The following RPA3 variants were observed in gnomAD, a reference collection of about 807,000 sequenced individuals.
The protein encoded by RPA3 is replication protein A 14 kDa subunit.
In RPA3, 24 loss-of-function variants were observed where a neutral mutation model predicts 13.7. The observed-to-expected ratio is 1.75, with a 90% CI of 1.27 to 2.46. RPA3 has a LOEUF of 2.46. Among genes scored for constraint, RPA3 ranks in the 30% most tolerant of loss-of-function variants. RPA3 has a pLI of 0.00. For missense variants in RPA3, 183 were observed against 151.0 expected, an observed-to-expected ratio of 1.21 and a Z score of -1.11; for synonymous variants, 59 against 51.2, an observed-to-expected ratio of 1.15 and a Z score of -0.65.
At chr7:7,702,783 T>A (rs190244252) in intron 2 of RPA3, among the ~76,000 whole-genome samples, 1 of 148,524 alleles carries the variant, frequency 6.7e-6, no homozygotes. Flanking sequence ...GTGGCCTGGG[T>A]TTTTGTTGTT....
intron 4 of RPA3, among the ~76,000 whole-genome samples, chr7:7,672,503 C>T (rs1583717887): frequency 1.3e-5 from 2 of 152,270 alleles, no homozygotes; most frequent in East Asian, 1.9e-4. Context: ...TGTCCCCACC[C>T]AAATCTCACT....
intron 1 of RPA3, among the ~76,000 whole-genome samples, chr7:7,715,620 C>T (rs548421958): frequency 5.7e-4 from 87 of 152,064 alleles, no homozygotes; most frequent in Non-Finnish European, 9.7e-4. Flanking sequence ...TAAAGTTTTT[C>T]AATAGCAATT....
intron 4 of RPA3, among the ~76,000 whole-genome samples, chr7:7,673,823 A>G (rs1779674721): frequency 6.6e-6 from 1 of 152,184 alleles, no homozygotes; most frequent in Non-Finnish European, 1.5e-5. Context: ...CTGAAATTAA[A>G]TTAGGCATCC....
At chr7:7,694,332 T>G (rs1272073625) in intron 2 of RPA3, among the ~76,000 whole-genome samples, 1 of 152,174 alleles carries the variant, frequency 6.6e-6, no homozygotes. Context: ...TCAGGGTAAA[T>G]GGGATATCCA....
At chr7:7,654,819 G>A (rs895092866) in intron 4 of RPA3, among the ~76,000 whole-genome samples, 4 of 150,958 alleles carry the variant, frequency 2.6e-5, no homozygotes, top group Admixed American at 6.6e-5. Context: ...CAGGAGAATC[G>A]CTTGAACCTG....
At chr7:7,683,167 T>C (rs10277292) in intron 4 of RPA3, among the ~76,000 whole-genome samples, 95,788 of 152,046 alleles carry the variant, frequency 0.63, 30,497 homozygotes, top group East Asian at 0.87. Context: ...CATTCATTTT[T>C]TTCGGGGACT....
intron 7 of RPA3, 100 bp downstream of exon 7, chr7:7,637,764 A>T: frequency 1.9e-6 from 1 of 528,236 alleles, no homozygotes; most frequent in East Asian, 3.0e-5. Flanking sequence ...AATTACATAC[A>T]GTTATATAAA....
intron 2 of RPA3, among the ~76,000 whole-genome samples, chr7:7,705,314 A>G (rs1173147269): frequency 6.6e-6 from 1 of 152,246 alleles, no homozygotes; most frequent in Non-Finnish European, 1.5e-5. Context: ...ATAAAAAAAT[A>G]GAATCTTAAA....
chr7:7,701,201 C>G (rs1780454726), intron 2 of RPA3, among the ~76,000 whole-genome samples: 1 of 152,064 alleles, frequency 6.6e-6, no homozygotes, highest in African/African-American at 2.4e-5. Context: ...TCTATCATAC[C>G]TATTTAAGGA....
rs946743883 is a variant in RPA3, at chr7:7,660,929, C to T, written c.-757-19754G>A. On this transcript the variant is annotated intron_variant, in intron 4 of 7. Transcript: ENST00000223129. ...TTGGTTCTATTCTCCCTGTCACTTTCGGGTACGCCAATCAAATGTAGATTT... is the reference window on the plus strand; with the variant it reads ...TTGGTTCTATTCTCCCTGTCACTTTTGGGTACGCCAATCAAATGTAGATTT... Among the ~76,000 whole-genome samples, 11 of 152,298 alleles carry T rather than the reference C, an allele frequency of 7.2e-5. No homozygotes were observed. The South Asian group carries it at 1.2e-3, about 17-fold the overall frequency.
intron 2 of RPA3, among the ~76,000 whole-genome samples, chr7:7,704,907 A>G (rs1441402555): frequency 5.3e-5 from 8 of 152,140 alleles, no homozygotes; most frequent in Non-Finnish European, 1.5e-5. Context: ...AAATAGGCCT[A>G]GAAGATGGGC....
chr7:7,672,570 C>T (rs1180899243), intron 4 of RPA3, among the ~76,000 whole-genome samples: 2 of 152,070 alleles, frequency 1.3e-5, no homozygotes, highest in African/African-American at 4.8e-5. Context: ...ATAATTAAAT[C>T]ATGGGAGCCA....
chr7:7,707,210 A>G (rs1215537185), intron 2 of RPA3, among the ~76,000 whole-genome samples: 1 of 152,204 alleles, frequency 6.6e-6, no homozygotes, highest in Non-Finnish European at 1.5e-5. Flanking sequence ...TGGTCTGTAC[A>G]GCAAAGATTA....
intron 4 of RPA3, among the ~76,000 whole-genome samples, chr7:7,645,382 G>C (rs887283902): frequency 6.6e-6 from 1 of 152,292 alleles, no homozygotes; most frequent in South Asian, 2.1e-4. Context: ...TTATGTGGTA[G>C]TGCACTAAGA....
chr7:7,659,262 G>C (rs1370701728), intron 4 of RPA3, among the ~76,000 whole-genome samples: 1 of 152,012 alleles, frequency 6.6e-6, no homozygotes. Context: ...CCAGCTCCTG[G>C]ATTCATTGAT....
intron 4 of RPA3, among the ~76,000 whole-genome samples, chr7:7,674,391 C>T (rs1408207553): frequency 1.3e-5 from 2 of 152,186 alleles, no homozygotes; most frequent in Non-Finnish European, 2.9e-5. Flanking sequence ...AGGGTAATCT[C>T]TGTGAGACCA....
intron 4 of RPA3, among the ~76,000 whole-genome samples, chr7:7,659,737 AG>A (rs1286074050): frequency 6.6e-6 from 1 of 152,136 alleles, no homozygotes; most frequent in African/African-American, 2.4e-5. Flanking sequence ...GGTCAATTTT[AG>A]AATAAGTATG....
Position 7,637,098 on chromosome 7 carries a change from A to G in RPA3, c.284-16T>C. ...AGTCCAAGATCTGAAAGAAACATTT[A>G]AGCAAACATTTAATCTACAATGGAA... is the stretch of plus-strand genomic sequence containing the variant. On this transcript the variant is annotated splice_polypyrimidine_tract_variant and intron_variant, in intron 7 of 7. Transcript: ENST00000223129. The G allele has an allele frequency of 1.3e-6, 2 of 1,533,274 alleles. No homozygotes were observed. Among genetic ancestry groups the G allele is most frequent in the South Asian group, 2.2e-5 (2 of 88,966 alleles). The allele number at this position is 1,533,274 out of a possible 1,614,324, so 95.0% of individuals were successfully genotyped here.
intron 2 of RPA3, among the ~76,000 whole-genome samples, chr7:7,700,883 C>T (rs1313387296): frequency 1.3e-5 from 2 of 151,176 alleles, no homozygotes; most frequent in African/African-American, 4.9e-5. Flanking sequence ...AGCGAGACTC[C>T]ATCTTAAAAA....
Sources: gnomAD v4.1 joint callset for allele counts (sites outside exome capture counted in the v4.1 genomes callset) on GRCh38, gnomAD v4.1.1 for gene constraint, MANE v1.5 for transcripts, NCBI Gene and HGNC (gene_info 2026-07-23, HGNC 2026-07-21) for gene names.